Variants in CFAP54 observed in about 807,000 individuals in gnomAD.
CFAP54 encodes cilia and flagella associated protein 54.
In CFAP54, 290 loss-of-function variants were observed where a neutral mutation model predicts 370.4. That is an observed-to-expected ratio of 0.78 (90% CI 0.71 to 0.86). The LOEUF (loss-of-function observed/expected upper bound fraction) is 0.86. CFAP54 is among the 40% of genes least tolerant of loss of function. The pLI, the probability that CFAP54 is intolerant of heterozygous loss-of-function variation, is 0.00. For missense variants in CFAP54, 3,399 were observed against 3,528.7 expected (o/e 0.96, Z 0.93); for synonymous variants, 1,206 against 1,236.5 (o/e 0.98, Z 0.52).
At chr12:96,855,136 C>T (rs1959664002) in intron 66 of CFAP54, among the ~76,000 whole-genome samples, 1 of 152,114 alleles carries the variant, frequency 6.6e-6, no homozygotes, top group Non-Finnish European at 1.5e-5. Context: ...CTCACGAGAA[C>T]TCACTCACTA....
intron 48 of CFAP54, among the ~76,000 whole-genome samples, chr12:96,711,180 T>G (rs1301421992): frequency 2.0e-5 from 3 of 152,216 alleles, no homozygotes; most frequent in Non-Finnish European, 2.9e-5. Context: ...TGTTATTTAA[T>G]TTATTGGCAT....
At chr12:96,552,909 CAGAAG>C (rs1451852045) in intron 15 of CFAP54, among the ~76,000 whole-genome samples, 1 of 152,114 alleles carries the variant, frequency 6.6e-6, no homozygotes, top group African/African-American at 2.4e-5. Context: ...ATTTGTAATT[CAGAAG>C]AGAAGAGATA....
chr12:96,523,773 A>G (rs913068647), intron 8 of CFAP54, among the ~76,000 whole-genome samples: 4 of 152,112 alleles, frequency 2.6e-5, no homozygotes, highest in Non-Finnish European at 5.9e-5. Flanking sequence ...GTTACTTAGA[A>G]TATTATTAGG....
intron 55 of CFAP54, among the ~76,000 whole-genome samples, chr12:96,752,027 A>G (rs1343404972): frequency 1.3e-5 from 2 of 148,548 alleles, no homozygotes; most frequent in Non-Finnish European, 3.0e-5. Context: ...CCGTATTCTC[A>G]TCAGTGTGCT....
chr12:96,712,202 A>G (rs946110171), intron 48 of CFAP54, among the ~76,000 whole-genome samples: 2 of 152,062 alleles, frequency 1.3e-5, no homozygotes, highest in Admixed American at 1.3e-4. Context: ...GCTCACCATT[A>G]CTTACTGCGT....
At position 96,765,146 on chromosome 12, in the gene CFAP54, C is replaced by A; in HGVS notation, c.8209C>A (p.Gln2737Lys). The change falls in exon 60 of 68, where the codon CAA becomes AAA. Residue 2737 changes from glutamine to lysine, a missense_variant. By Grantham distance (53) the Gln-to-Lys change is moderately conservative (BLOSUM62 1). This residue lies in a region of CFAP54 where 2,796 missense variants were observed against 2,869.7 expected (regional missense o/e 0.97). Coordinates refer to ENST00000524981, the MANE Select transcript of CFAP54 (RefSeq NM_001306084.2). ...GAATACTAGAATGCATAAAGTTAAC[C>A]AAGTGGCATTACCAAATATCCCAGA... ...KKNTRMHKVN[Q>K]VALPNIPEFA... The A allele has an allele frequency of 6.5e-7, 1 of 1,542,730 alleles. No homozygotes were observed. The highest frequency in any genetic ancestry group is 8.8e-7 in the Non-Finnish European group (1 of 1,131,684).
chr12:96,821,581 A>C (rs190039812), intron 65 of CFAP54, among the ~76,000 whole-genome samples: 1 of 152,282 alleles, frequency 6.6e-6, no homozygotes, highest in East Asian at 1.9e-4. Flanking sequence ...CACCAGACAG[A>C]AGGAACACTA....
In CFAP54 at chr12:96,685,251, A is replaced by T. The variant is rs1235367667; in HGVS notation, c.6014+13A>T. ...CAAAGATAGCACAGTGAGTGTGAGG[A>T]TGGAAGGATCCCCGTACTAGCTAAC... On this transcript the variant is annotated intron_variant, in intron 42 of 67. Transcript: ENST00000524981. 6.2e-7 allele frequency: 1 copy of T among 1,612,692 alleles called. No homozygotes were observed. The highest frequency in any genetic ancestry group is 1.7e-5 in the Admixed American group (1 of 60,008).
At chr12:96,844,636 CT>C (rs1959286649) in intron 66 of CFAP54, among the ~76,000 whole-genome samples, 2 of 152,182 alleles carry the variant, frequency 1.3e-5, no homozygotes, top group Admixed American at 1.3e-4. Flanking sequence ...CTTCAAATTC[CT>C]TTTTCTAGTT....
chr12:96,633,255 A>G (rs1226337547), intron 32 of CFAP54, among the ~76,000 whole-genome samples: 1 of 152,238 alleles, frequency 6.6e-6, no homozygotes, highest in East Asian at 1.9e-4. Flanking sequence ...GATTGTGGAC[A>G]TCCTTGTTGT....
chr12:96,670,102 C>T lies in CFAP54; in HGVS notation c.5563+6170C>T, dbSNP rs76335144. Among the ~76,000 whole-genome samples, 11 of 152,226 alleles carry T rather than the reference C, an allele frequency of 7.2e-5. No individual in the cohort carries two copies. In the East Asian group the frequency reaches 1.5e-3, roughly 21 times the overall value. On this transcript the variant is annotated intron_variant, in intron 39 of 67. Coordinates refer to ENST00000524981, the MANE Select transcript of CFAP54 (RefSeq NM_001306084.2). Reference sequence around the variant, plus strand: ...GAATCTCCAGCTTGGTGCAAGCTTCCGTGGGTTGTTTCCAAGTCAGAAAAC... The same window carrying T: ...GAATCTCCAGCTTGGTGCAAGCTTCTGTGGGTTGTTTCCAAGTCAGAAAAC...
rs898826040 is a variant in CFAP54 at position 96,647,958 on chromosome 12, A to G, written c.4631A>G (p.Tyr1544Cys). ...LPTRKLTVENYKAMLDFLLTA... is the reference protein window; with the variant it reads ...LPTRKLTVENCKAMLDFLLTA... ...ACAAGAAAATTGACTGTAGAAAATT[A>G]TAAAGCAATGCTTGATTTCCTTCTT... Residue 1544 changes from tyrosine (Y) to cysteine (C), a missense_variant, in exon 34 of 68, where the codon TAT (tyrosine) becomes TGT (cysteine). Coordinates refer to ENST00000524981, the MANE Select transcript of CFAP54 (RefSeq NM_001306084.2). 9 of 1,524,538 alleles carry G rather than the reference A, an allele frequency of 5.9e-6. No individual in the cohort carries two copies. The African/African-American group carries it at 1.2e-4, about 21-fold the overall frequency. The allele number at this position is 1,524,538 out of a possible 1,614,324, so 94.4% of individuals were successfully genotyped here. A position where few individuals can be genotyped will look rare whatever the true frequency, so the allele number is the denominator to read the frequency against.
rs771195170 is a variant in CFAP54 at position 96,753,823 on chromosome 12, G to A, written c.7765G>A (p.Asp2589Asn). 8 of 1,614,068 alleles carry A rather than the reference G, an allele frequency of 5.0e-6. No homozygotes were observed. In the South Asian group the frequency reaches 8.8e-5, roughly 18 times the overall value. ...SKWLPALHLF[D>N]VALKLCRTTA... ...GTGGTTACCTGCTCTTCATCTGTTT[G>A]ATGTGGCACTGAAGCTCTGTAGAAC... Residue 2589 changes from aspartate to asparagine, a missense_variant, in exon 56 of 68, where the codon GAT becomes AAT. Coordinates refer to ENST00000524981, the MANE Select transcript of CFAP54 (RefSeq NM_001306084.2).
intron 23 of CFAP54, among the ~76,000 whole-genome samples, chr12:96,591,626 A>G (rs1956125178): frequency 6.6e-6 from 1 of 152,176 alleles, no homozygotes; most frequent in Admixed American, 6.5e-5. Flanking sequence ...GCGGTGGCTC[A>G]CGCCTGTAAT....
chr12:96,609,652 G>T (rs1034563912), intron 26 of CFAP54, among the ~76,000 whole-genome samples: 5 of 151,968 alleles, frequency 3.3e-5, no homozygotes, highest in Non-Finnish European at 5.9e-5. Context: ...TAATTGTACT[G>T]GTCTCAAAAC....
At chr12:96,539,795 C>G (rs1381275094) in intron 13 of CFAP54, among the ~76,000 whole-genome samples, 1 of 152,042 alleles carries the variant, frequency 6.6e-6, no homozygotes, top group East Asian at 1.9e-4. Context: ...CAGATTTTCT[C>G]CCCCTGCAAT....
chr12:96,864,664 G>A (rs553969946), intron 67 of CFAP54, among the ~76,000 whole-genome samples: 3 of 152,224 alleles, frequency 2.0e-5, no homozygotes, highest in South Asian at 2.1e-4. Flanking sequence ...GTCTGCCTCC[G>A]AGGACTCCTA....
intron 17 of CFAP54, among the ~76,000 whole-genome samples, chr12:96,558,268 T>G (rs1955776202): frequency 6.6e-6 from 1 of 152,078 alleles, no homozygotes. Context: ...GAATTAACAT[T>G]CAACATAGTA....
In CFAP54 at chr12:96,625,785, G is replaced by A. The variant is rs777648982; in HGVS notation, c.3954G>A (p.Ser1318=). The change falls in exon 29 of 68, where the codon TCG becomes TCA. Residue 1318 remains serine (S), a synonymous_variant. Coordinates refer to ENST00000524981, the MANE Select transcript of CFAP54 (RefSeq NM_001306084.2). ...TTTATCCTGTAGTTTTGAATTGGTC[G>A]GTCAAAGGTGCCGTGAAAGAAGGTA... ...IFLYPVVLNW[S]VKGAVKEVMK... 97 of 1,535,492 alleles carry A rather than the reference G, an allele frequency of 6.3e-5. No homozygotes were observed. Among genetic ancestry groups the A allele is most frequent in the Non-Finnish European group, 7.9e-5 (91 of 1,146,522 alleles).
Sources: gnomAD v4.1 joint callset for allele counts (sites outside exome capture counted in the v4.1 genomes callset) on GRCh38, gnomAD v4.1.1 for gene constraint, gnomAD v4.1.1 regional missense constraint, MANE v1.5 for transcripts, NCBI Gene and HGNC (gene_info 2026-07-23, HGNC 2026-07-21) for gene names.